Variants in AKAIN1 observed in about 807,000 individuals in gnomAD.
AKAIN1 encodes the protein A-kinase anchor inhibitor 1, also known as A-kinase anchor protein inhibitor 1.
A neutral mutation model predicts 3.7 loss-of-function variants in AKAIN1; 3 were observed. That is an observed-to-expected ratio of 0.82 (90% CI 0.37 to 2.12). AKAIN1 has a LOEUF of 2.12. Ranked by LOEUF, AKAIN1 falls within the 30% of genes most tolerant of loss-of-function variation. The probability of loss-of-function intolerance (pLI) is 0.06; values close to 1 mark genes in which losing one functional copy is unlikely to be tolerated. For missense variants in AKAIN1, 82 were observed against 82.7 expected (o/e 0.99, Z 0.03); for synonymous variants, 31 against 30.8 (o/e 1.01, Z -0.02).
intron 1 of AKAIN1, among the ~76,000 whole-genome samples, chr18:5,157,745 C>G (rs183030059): frequency 6.6e-6 from 1 of 152,044 alleles, no homozygotes; most frequent in Non-Finnish European, 1.5e-5. Flanking sequence ...ACTCTGTCAC[C>G]GAGGCTGGAG....
At chr18:5,159,230 C>T (rs2071125609) in intron 1 of AKAIN1, 1 of 151,654 alleles carries the variant, frequency 6.6e-6, no homozygotes, top group South Asian at 2.1e-4. Context: ...GAAAAATAAA[C>T]CCAGACTTTA....
intron 1 of AKAIN1, among the ~76,000 whole-genome samples, chr18:5,176,577 C>T (rs2071228001): frequency 6.6e-6 from 1 of 152,176 alleles, no homozygotes. Flanking sequence ...AAGATGCCAA[C>T]ATTTAAGATC....
At chr18:5,192,440 TCTTTCTTTTTCTTTTC>T (rs1215957162) in intron 1 of AKAIN1, among the ~76,000 whole-genome samples, 8 of 100,946 alleles carry the variant, frequency 7.9e-5, no homozygotes, top group Non-Finnish European at 1.7e-4. Flanking sequence ...TTTCTTTCTT[TCTTTCTTTTTCTTTTC>T]TTTGGTAGAG....
At chr18:5,186,334 C>A (rs1033610346) in intron 1 of AKAIN1, among the ~76,000 whole-genome samples, 1 of 151,972 alleles carries the variant, frequency 6.6e-6, no homozygotes, top group Non-Finnish European at 1.5e-5. Context: ...TGCAGTTTAC[C>A]TGTGTAACAA....
chr18:5,151,440 G>A (rs2071079588), intron 1 of AKAIN1, among the ~76,000 whole-genome samples: 1 of 152,182 alleles, frequency 6.6e-6, no homozygotes, highest in African/African-American at 2.4e-5. Flanking sequence ...AGTTACATGA[G>A]TTCCCAGCAA....
At chr18:5,195,048 T>A (rs556309744) in intron 1 of AKAIN1, among the ~76,000 whole-genome samples, 1 of 152,272 alleles carries the variant, frequency 6.6e-6, no homozygotes, top group South Asian at 2.1e-4. Context: ...AAATGATCCA[T>A]AGATGAGAAG....
intron 1 of AKAIN1, among the ~76,000 whole-genome samples, chr18:5,174,298 A>G (rs1269674770): frequency 1.3e-5 from 2 of 152,078 alleles, no homozygotes; most frequent in Non-Finnish European, 2.9e-5. Context: ...AATACTGCCT[A>G]TAGGGACTGT....
At chr18:5,195,785 G>A (rs1414232987) in intron 1 of AKAIN1, among the ~76,000 whole-genome samples, 1 of 152,098 alleles carries the variant, frequency 6.6e-6, no homozygotes, top group Non-Finnish European at 1.5e-5. Flanking sequence ...TTGATTGAAT[G>A]TCCTTTGCTA....
chr18:5,178,202 A>G (rs547156051), intron 1 of AKAIN1, among the ~76,000 whole-genome samples: 44 of 152,196 alleles, frequency 2.9e-4, no homozygotes, highest in Admixed American at 2.4e-3. Flanking sequence ...CTGCTTATTG[A>G]TATGCATGGT....
At position 5,145,738 on chromosome 18, in the gene AKAIN1, C is replaced by T. The variant is rs1326434294; in HGVS notation, c.34G>A (p.Glu12Lys). The change falls in exon 2 of 2, where the codon GAG (glutamate) becomes AAG (lysine). Residue 12 changes from glutamate to lysine, a missense_variant. Glu to Lys is a moderately conservative substitution (Grantham distance 56, BLOSUM62 1). Coordinates refer to ENST00000434239, the MANE Select transcript of AKAIN1 (RefSeq NM_001145194.2). The stretch of plus-strand genomic sequence containing the variant: ...TTCTGCAGCTTCACCTCTTCAGGCT[C>T]ATTTCCAGGTTTCTCACCTAGCCAA... The part of the protein sequence containing the change: ...VFAPGEKPGN[E>K]PEEVKLQNAS... 3.2e-6 allele frequency: 5 copies of T among 1,550,834 alleles called. No homozygotes were observed. Among genetic ancestry groups the T allele is most frequent in the African/African-American group, 2.7e-5 (2 of 73,022 alleles).
chr18:5,191,395 G>T (rs2071317757), intron 1 of AKAIN1, among the ~76,000 whole-genome samples: 1 of 152,010 alleles, frequency 6.6e-6, no homozygotes, highest in South Asian at 2.1e-4. Context: ...TAAATTACAT[G>T]TACAATAGCT....
intron 1 of AKAIN1, among the ~76,000 whole-genome samples, chr18:5,161,619 G>A (rs1370671823): frequency 6.6e-6 from 1 of 152,088 alleles, no homozygotes; most frequent in Non-Finnish European, 1.5e-5. Context: ...CAGAGGAAAA[G>A]ATTTTGCTAT....
At chr18:5,195,955 G>A (rs1269762319) in intron 1 of AKAIN1, among the ~76,000 whole-genome samples, 1 of 152,128 alleles carries the variant, frequency 6.6e-6, no homozygotes, top group Non-Finnish European at 1.5e-5. Context: ...GGGGGAGGGG[G>A]AGGGGACTGA....
At chr18:5,151,491 C>A (rs1297216206) in intron 1 of AKAIN1, among the ~76,000 whole-genome samples, 1 of 152,158 alleles carries the variant, frequency 6.6e-6, no homozygotes, top group Non-Finnish European at 1.5e-5. Flanking sequence ...TGCTGCTAGC[C>A]CAACTGAGCA....
At chr18:5,176,441 A>AAAACAAAC (rs370470528) in intron 1 of AKAIN1, among the ~76,000 whole-genome samples, 4 of 149,806 alleles carry the variant, frequency 2.7e-5, no homozygotes, top group African/African-American at 1.0e-4. Context: ...CCCTGTCTCA[A>AAAACAAAC]AAACAAACAA....
At chr18:5,158,427 T>G (rs2071120384) in intron 1 of AKAIN1, among the ~76,000 whole-genome samples, 1 of 152,178 alleles carries the variant, frequency 6.6e-6, no homozygotes, top group Non-Finnish European at 1.5e-5. Flanking sequence ...TGCTCCAATT[T>G]CCAGGCCACA....
intron 1 of AKAIN1, among the ~76,000 whole-genome samples, chr18:5,196,021 C>G (rs906553240): frequency 6.6e-6 from 1 of 151,066 alleles, no homozygotes; most frequent in Non-Finnish European, 1.5e-5. Context: ...CTCAATTCTT[C>G]CCTTTAAAAA....
At chr18:5,178,223 C>T (rs2071237019) in intron 1 of AKAIN1, among the ~76,000 whole-genome samples, 1 of 152,066 alleles carries the variant, frequency 6.6e-6, no homozygotes, top group African/African-American at 2.4e-5. Context: ...TTTGTGCATG[C>T]TATGGTAATT....
chr18:5,145,433 T>C lies in AKAIN1; in HGVS notation c.*129A>G. The C allele has an allele frequency of 1.4e-6, 1 of 693,284 alleles. No individual in the cohort carries two copies. The highest frequency in any genetic ancestry group is 2.8e-5 in the Admixed American group (1 of 35,796). 42.9% of individuals were successfully genotyped at this position (693,284 alleles called of 1,614,324 possible). ...ACAGTGCTTCTCAGCCAGGGGCTAG[T>C]GTGAATTCATTCTACAGCTAGGTGC... is the stretch of plus-strand genomic sequence containing the variant. On this transcript the variant is annotated 3_prime_UTR_variant, in exon 2 of 2. Coordinates refer to ENST00000434239, the MANE Select transcript of AKAIN1 (RefSeq NM_001145194.2).
Sources: allele counts gnomAD v4.1 joint callset (sites outside exome capture counted in the v4.1 genomes callset), GRCh38; gene constraint gnomAD v4.1.1; transcripts MANE v1.5; gene names NCBI Gene and HGNC (gene_info 2026-07-23, HGNC 2026-07-21).